The following ATP8A2 variants were observed in gnomAD, a reference collection of about 807,000 sequenced individuals.
The protein encoded by ATP8A2 is ATPase phospholipid transporting 8A2, also known as phospholipid-transporting ATPase IB.
ATP8A2 carries 100 observed loss-of-function variants against 165.6 expected under a neutral mutation model. The observed-to-expected ratio is 0.60, with a 90% CI of 0.51 to 0.71. The LOEUF is 0.71. Among genes scored for constraint, ATP8A2 ranks in the 30% least tolerant of loss-of-function variants. The pLI is 0.00. For missense variants in ATP8A2, 1,227 were observed against 1,479.5 expected, an observed-to-expected ratio of 0.83 and a Z score of 2.80; for synonymous variants, 543 against 548.8, an observed-to-expected ratio of 0.99 and a Z score of 0.15.
chr13:25,374,445 C>T (rs529049129), intron 1 of ATP8A2, among the ~76,000 whole-genome samples: 1 of 152,112 alleles, frequency 6.6e-6, no homozygotes. Flanking sequence ...AGAAGCAGAT[C>T]GAGTGGTAGC....
At chr13:25,485,439 T>C (rs1323168425) in intron 2 of ATP8A2, among the ~76,000 whole-genome samples, 1 of 152,256 alleles carries the variant, frequency 6.6e-6, no homozygotes. Context: ...TTTACCAACC[T>C]CCTTCCACTG....
chr13:25,929,742 G>A (rs1442390413), intron 33 of ATP8A2, among the ~76,000 whole-genome samples: 1 of 152,018 alleles, frequency 6.6e-6, no homozygotes, highest in Non-Finnish European at 1.5e-5. Flanking sequence ...GACAATGGCT[G>A]GAGCCCATGA....
chr13:25,399,397 C>CTTTTTT (rs71077467), intron 1 of ATP8A2, among the ~76,000 whole-genome samples: 12,720 of 73,804 alleles, frequency 0.17, 2,552 homozygotes, highest in African/African-American at 0.32. Context: ...AGTGGTTCTT[C>CTTTTTT]TTTTTTTTTT....
chr13:25,452,318 G>A (rs2035250796), intron 1 of ATP8A2, among the ~76,000 whole-genome samples: 1 of 152,212 alleles, frequency 6.6e-6, no homozygotes, highest in Non-Finnish European at 1.5e-5. Context: ...CGCACACAGA[G>A]CGGAGGTCAT....
In ATP8A2 at chr13:25,553,824, A is replaced by T; in HGVS notation, c.1089A>T (p.Leu363=). ...CCTCAGATAATTTTGGATACAACCT[A>T]CTGACGTTCATCATCTTATACAACA... The part of the protein sequence containing the change: ...DTTSDNFGYN[L]LTFIILYNNL... The change falls in exon 12 of 37, where the codon CTA becomes CTT. Residue 363 remains leucine (L), a synonymous_variant. Transcript: ENST00000381655. 1 of 1,613,778 alleles carries T rather than the reference A, an allele frequency of 6.2e-7. No individual in the cohort carries two copies. The highest frequency in any genetic ancestry group is 1.7e-5 in the Admixed American group (1 of 60,008).
At chr13:25,941,976 T>C (rs541132817) in intron 33 of ATP8A2, among the ~76,000 whole-genome samples, 1 of 152,376 alleles carries the variant, frequency 6.6e-6, no homozygotes, top group East Asian at 1.9e-4. Flanking sequence ...TTTTCATGCA[T>C]GTATTCTGCG....
chr13:25,780,225 T>C (rs1294726291), intron 27 of ATP8A2, among the ~76,000 whole-genome samples: 2 of 152,182 alleles, frequency 1.3e-5, no homozygotes, highest in East Asian at 1.9e-4. Context: ...CAAATTATTT[T>C]TGAAATAGAG....
chr13:25,535,802 G>A (rs2038260877), intron 6 of ATP8A2, among the ~76,000 whole-genome samples: 3 of 151,950 alleles, frequency 2.0e-5, no homozygotes, highest in Non-Finnish European at 2.9e-5. Flanking sequence ...GTGACAGAGC[G>A]AGACCCTGTC....
chr13:25,522,183 C>T (rs553434105), intron 2 of ATP8A2, among the ~76,000 whole-genome samples: 3 of 152,290 alleles, frequency 2.0e-5, no homozygotes, highest in African/African-American at 7.2e-5. Context: ...AGATCTTTCA[C>T]TTCTCTGGTG....
chr13:25,965,985 T>TG (rs1443798164), intron 34 of ATP8A2, among the ~76,000 whole-genome samples: 2 of 150,458 alleles, frequency 1.3e-5, no homozygotes, highest in South Asian at 2.1e-4. Flanking sequence ...CCTTTTGACT[T>TG]GCTGTTCTTG....
At chr13:25,861,691 T>A (rs1418481075) in intron 32 of ATP8A2, among the ~76,000 whole-genome samples, 3 of 152,196 alleles carry the variant, frequency 2.0e-5, no homozygotes, top group African/African-American at 7.2e-5. Context: ...TGGATTCATT[T>A]TATCTTTCTA....
rs1050463087 is a variant in ATP8A2, at chr13:25,953,197, A to G, written c.3184-8378A>G. Among the ~76,000 whole-genome samples the G allele has an allele frequency of 6.6e-6, 1 of 152,102 alleles. No homozygotes were observed. Among genetic ancestry groups the G allele is most frequent in the Non-Finnish European group, 1.5e-5 (1 of 68,032 alleles). On this transcript the variant is annotated intron_variant, in intron 33 of 36. Coordinates refer to ENST00000381655, the MANE Select transcript of ATP8A2 (RefSeq NM_016529.6). The surrounding 1 kb of genome is among the most constrained non-coding windows in gnomAD (Gnocchi z 6.7). ...TTTCTTTTCGTCTTTTAACTTTACA[A>G]GTGCTCCTCATTTTCTTTTACTTAC...
rs2035992166 is a variant in ATP8A2 at position 25,476,279 on chromosome 13, A to G, written c.221+7158A>G. Among the ~76,000 whole-genome samples, 3 of 152,154 alleles carry G rather than the reference A, an allele frequency of 2.0e-5. No homozygotes were observed. The South Asian group carries it at 6.2e-4, about 32-fold the overall frequency. On this transcript the variant is annotated intron_variant, in intron 2 of 36. Coordinates refer to ENST00000381655, the MANE Select transcript of ATP8A2 (RefSeq NM_016529.6). ...AAGAAGCAATACCAGCATCCTAGTT[A>G]GAATCATAACTTTTTTTTTTTTTTG... is the stretch of plus-strand genomic sequence containing the variant.
chr13:25,656,880 C>T (rs1266023620), intron 24 of ATP8A2, among the ~76,000 whole-genome samples: 1 of 151,350 alleles, frequency 6.6e-6, no homozygotes, highest in Non-Finnish European at 1.5e-5. Context: ...TGGTGAAACC[C>T]TGTCTCTACT....
chr13:25,986,154 G>A (rs1049079493), intron 35 of ATP8A2, among the ~76,000 whole-genome samples: 2 of 152,134 alleles, frequency 1.3e-5, no homozygotes, highest in Non-Finnish European at 2.9e-5. Context: ...GTATAGATTG[G>A]GAGATGATTG....
At chr13:25,673,578 G>A (rs1367112631) in intron 24 of ATP8A2, among the ~76,000 whole-genome samples, 1 of 152,144 alleles carries the variant, frequency 6.6e-6, no homozygotes, top group East Asian at 1.9e-4. Context: ...TTACAAATTG[G>A]CATTTATTGC....
intron 6 of ATP8A2, among the ~76,000 whole-genome samples, chr13:25,534,954 C>CA (rs796466885): frequency 4.6e-5 from 7 of 152,226 alleles, no homozygotes; most frequent in African/African-American, 1.7e-4. Flanking sequence ...GGAGCACACT[C>CA]AAGAACCACC....
intron 24 of ATP8A2, among the ~76,000 whole-genome samples, chr13:25,694,411 C>G (rs959759472): frequency 1.3e-5 from 2 of 152,180 alleles, no homozygotes; most frequent in Non-Finnish European, 2.9e-5. Flanking sequence ...TGTACCTTGT[C>G]TCATCTCTTT....
At chr13:25,632,587 T>C (rs1316158615) in intron 24 of ATP8A2, among the ~76,000 whole-genome samples, 2 of 152,182 alleles carry the variant, frequency 1.3e-5, no homozygotes, top group Admixed American at 1.3e-4. Context: ...TGACTTTTGC[T>C]CTAATGTTTC....
Sources: allele counts gnomAD v4.1 joint callset (sites outside exome capture counted in the v4.1 genomes callset), GRCh38; gene constraint gnomAD v4.1.1; non-coding constraint Gnocchi (gnomAD v3.1); transcripts MANE v1.5; gene names NCBI Gene and HGNC (gene_info 2026-07-23, HGNC 2026-07-21).